ADARB2: variants seen among roughly 807,000 people sequenced by gnomAD.
The protein encoded by ADARB2 is inactive double-stranded RNA-specific editase B2.
ADARB2 carries 25 observed loss-of-function variants against 62.2 expected under a neutral mutation model. The observed-to-expected ratio is 0.40, with a 90% CI of 0.29 to 0.56. ADARB2 has a LOEUF of 0.56. Among genes scored for constraint, ADARB2 ranks in the 20% least tolerant of loss-of-function variants. The pLI, the probability that ADARB2 is intolerant of heterozygous loss-of-function variation, is 0.43. For synonymous variants in ADARB2, 572 were observed against 500.8 expected, an observed-to-expected ratio of 1.14 and a Z score of -1.90; for missense variants, 1,071 against 1,077.4, an observed-to-expected ratio of 0.99 and a Z score of 0.08.
intron 1 of ADARB2, among the ~76,000 whole-genome samples, chr10:1,578,950 G>T (rs1833058193): frequency 6.6e-6 from 1 of 152,196 alleles, no homozygotes. Flanking sequence ...ACAGAGGAAG[G>T]ATGCCGCAGC....
intron 3 of ADARB2, among the ~76,000 whole-genome samples, chr10:1,353,148 G>A (rs1345755343): frequency 6.6e-6 from 1 of 152,212 alleles, no homozygotes; most frequent in East Asian, 1.9e-4. Context: ...ATTGGCCCCC[G>A]CCTAGGACTG....
chr10:1,651,448 C>A (rs1467086275), intron 1 of ADARB2, among the ~76,000 whole-genome samples: 3 of 152,328 alleles, frequency 2.0e-5, no homozygotes, highest in Admixed American at 6.5e-5. Flanking sequence ...AGAGAGGGGG[C>A]AGCACCCCCA....
chr10:1,556,631 T>G (rs1213125698), intron 1 of ADARB2: 1 of 529,302 alleles, frequency 1.9e-6, no homozygotes, highest in Admixed American at 2.0e-5. Context: ...TGCCCTGATG[T>G]CTGTTCTCAC....
At chr10:1,409,694 G>A in intron 1 of ADARB2, among the ~76,000 whole-genome samples, 1 of 116,080 alleles carries the variant, frequency 8.6e-6, no homozygotes, top group Non-Finnish European at 2.0e-5. Flanking sequence ...AGGATTCTCA[G>A]TGGTGCTGAG....
intron 1 of ADARB2, among the ~76,000 whole-genome samples, chr10:1,510,096 T>TTC (rs1831906492): frequency 8.0e-6 from 1 of 124,832 alleles, no homozygotes; most frequent in Non-Finnish European, 1.7e-5. Context: ...TCTCTCTCTC[T>TTC]TTTCTTTCTT....
chr10:1,597,646 A>G (rs1833352144), intron 1 of ADARB2, among the ~76,000 whole-genome samples: 1 of 152,240 alleles, frequency 6.6e-6, no homozygotes, highest in Non-Finnish European at 1.5e-5. Context: ...CTTGTGAAGC[A>G]AAGGGAATGC....
At chr10:1,670,845 C>A (rs549819329) in intron 1 of ADARB2, among the ~76,000 whole-genome samples, 2 of 152,154 alleles carry the variant, frequency 1.3e-5, no homozygotes, top group Non-Finnish European at 2.9e-5. Flanking sequence ...GTGATTAGGA[C>A]GTCTGCGCAG....
intron 1 of ADARB2, among the ~76,000 whole-genome samples, chr10:1,616,659 C>T (rs377460693): frequency 1.4e-4 from 18 of 129,280 alleles, no homozygotes; most frequent in South Asian, 1.1e-3. Context: ...AGACACACTC[C>T]GCACCACCCT....
Position 1,420,149 on chromosome 10 carries a change from A to T in ADARB2, c.101-40989T>A, listed in dbSNP as rs368813843. Among the ~76,000 whole-genome samples the T allele has an allele frequency of 6.6e-5, 10 of 152,346 alleles. 1 individual carries two copies. Among genetic ancestry groups the T allele is most frequent in the African/African-American group, 2.4e-4 (10 of 41,588 alleles). On this transcript the variant is annotated intron_variant, in intron 1 of 9. Coordinates refer to ENST00000381312, the MANE Select transcript of ADARB2 (RefSeq NM_018702.4). ...TAAATGTGAATAATAATACATATTT[A>T]AAGGCCTCATAACTTACCTGCTAGC...
At chr10:1,289,806 C>T (rs900499575) in intron 3 of ADARB2, among the ~76,000 whole-genome samples, 9 of 152,240 alleles carry the variant, frequency 5.9e-5, no homozygotes, top group African/African-American at 1.4e-4. Context: ...ACAGCCAGCA[C>T]GCAGGAGCAG....
chr10:1,336,651 G>A (rs1442810252), intron 3 of ADARB2, among the ~76,000 whole-genome samples: 1 of 152,176 alleles, frequency 6.6e-6, no homozygotes, highest in African/African-American at 2.4e-5. Flanking sequence ...TGTGAATTAT[G>A]AGGGGTTCCT....
At position 1,183,350 on chromosome 10, in the gene ADARB2, C is replaced by T. The variant is rs369818587; in HGVS notation, c.2063G>A (p.Ser688Asn). 1.9e-6 allele frequency: 3 copies of T among 1,613,854 alleles called. No individual in the cohort carries two copies. Among genetic ancestry groups the T allele is most frequent in the Non-Finnish European group, 2.5e-6 (3 of 1,179,772 alleles). ...GTACATGGAGGGCGTGTCTCCAGGGCTGGGTGTCCGTGTGCTCAGCTGCGG... is the reference window on the plus strand; with the variant it reads ...GTACATGGAGGGCGTGTCTCCAGGGTTGGGTGTCCGTGTGCTCAGCTGCGG... The part of the protein sequence containing the change: ...LYGRLSTRTP[S>N]PGDTPSMYCE... The change falls in exon 10 of 10, where the codon AGC becomes AAC. Residue 688 changes from serine (S) to asparagine (N), a missense_variant. Ser to Asn is a conservative substitution (Grantham distance 46). Transcript: ENST00000381312.
chr10:1,444,378 T>TA (rs1313527555), intron 1 of ADARB2, among the ~76,000 whole-genome samples: 2 of 144,188 alleles, frequency 1.4e-5, no homozygotes, highest in African/African-American at 5.2e-5. Flanking sequence ...ATCCATCCAT[T>TA]CACCATCCAT....
At chr10:1,259,477 G>A (rs950825110) in intron 4 of ADARB2, among the ~76,000 whole-genome samples, 1 of 152,086 alleles carries the variant, frequency 6.6e-6, no homozygotes, top group East Asian at 1.9e-4. Context: ...ATCACCACCA[G>A]TCCCACAGAA....
At chr10:1,259,944 C>T (rs934844375) in intron 4 of ADARB2, among the ~76,000 whole-genome samples, 14 of 152,268 alleles carry the variant, frequency 9.2e-5, no homozygotes, top group African/African-American at 3.1e-4. Context: ...TCAAAAAGCT[C>T]ATCCACCATG....
intron 1 of ADARB2, among the ~76,000 whole-genome samples, chr10:1,734,949 T>C (rs1247544281): frequency 6.6e-6 from 1 of 150,972 alleles, no homozygotes; most frequent in Non-Finnish European, 1.5e-5. Context: ...AAGTAATCAA[T>C]TCCCAGGAAA....
intron 1 of ADARB2, among the ~76,000 whole-genome samples, chr10:1,693,499 A>T (rs577216016): frequency 2.7e-4 from 41 of 152,350 alleles, no homozygotes; most frequent in African/African-American, 9.6e-4. Flanking sequence ...CTGAGATACA[A>T]AATAAATTAT....
intron 1 of ADARB2, among the ~76,000 whole-genome samples, chr10:1,633,757 T>A (rs765573833): frequency 1.3e-5 from 2 of 152,212 alleles, no homozygotes; most frequent in Non-Finnish European, 2.9e-5. Flanking sequence ...CAGTTGACTC[T>A]CCGAGCTGGT....
chr10:1,444,058 C>T (rs1253991092), intron 1 of ADARB2, among the ~76,000 whole-genome samples: 1 of 150,998 alleles, frequency 6.6e-6, no homozygotes, highest in African/African-American at 2.4e-5. Context: ...TCCATGCACC[C>T]ACACACCACT....
Sources: allele counts gnomAD v4.1 joint callset (sites outside exome capture counted in the v4.1 genomes callset), GRCh38; gene constraint gnomAD v4.1.1; transcripts MANE v1.5; gene names NCBI Gene and HGNC (gene_info 2026-07-23, HGNC 2026-07-21).